ADGRL3: variants seen among roughly 807,000 people sequenced by gnomAD.
The protein encoded by ADGRL3 is adhesion G protein-coupled receptor L3, also known as calcium-independent alpha-latrotoxin receptor 3.
A neutral mutation model predicts 153.5 loss-of-function variants in ADGRL3; 62 were observed. That is an observed-to-expected ratio of 0.40 (90% CI 0.33 to 0.50). The LOEUF is 0.50. Among genes scored for constraint, ADGRL3 ranks in the 20% least tolerant of loss-of-function variants. The pLI is 0.47. For missense variants in ADGRL3, 1,641 were observed against 1,859.4 expected, an observed-to-expected ratio of 0.88 and a Z score of 2.16; for synonymous variants, 710 against 672.5, an observed-to-expected ratio of 1.06 and a Z score of -0.86.
At chr4:61,558,506 T>A (rs1423864911) in intron 4 of ADGRL3, among the ~76,000 whole-genome samples, 2 of 151,930 alleles carry the variant, frequency 1.3e-5, no homozygotes, top group Admixed American at 6.6e-5. Flanking sequence ...CTTTCTCTTT[T>A]TAGAGATCGC....
At chr4:61,464,800 A>G (rs948905461) in intron 2 of ADGRL3, among the ~76,000 whole-genome samples, 1 of 152,214 alleles carries the variant, frequency 6.6e-6, no homozygotes, top group Non-Finnish European at 1.5e-5. Context: ...AAAATTAGTT[A>G]AGGATGAAGC....
At chr4:61,984,926 A>T (rs2150894374) in intron 19 of ADGRL3, among the ~76,000 whole-genome samples, 1 of 152,338 alleles carries the variant, frequency 6.6e-6, no homozygotes, top group Admixed American at 6.5e-5. Flanking sequence ...ATCATGAAGC[A>T]AAATTTTAAA....
At chr4:61,385,195 G>A (rs1442961917) in intron 2 of ADGRL3, among the ~76,000 whole-genome samples, 5 of 152,114 alleles carry the variant, frequency 3.3e-5, no homozygotes, top group South Asian at 4.1e-4. Flanking sequence ...TTATTTAGCC[G>A]TAATGCTTTC....
At chr4:61,844,439 C>T (rs1176489315) in intron 9 of ADGRL3, among the ~76,000 whole-genome samples, 5 of 144,290 alleles carry the variant, frequency 3.5e-5, no homozygotes, top group African/African-American at 7.8e-5. Flanking sequence ...CCCAGCTACT[C>T]GGGAGGCTGA....
rs768596800 is a variant in ADGRL3, at chr4:61,583,658, T to C, written c.260-3569T>C. ...TTCTGACATCTTTATCAGAGATGTT[T>C]AATTAGTTCATGTCCCTTCAGTCAG... On this transcript the variant is annotated intron_variant, in intron 4 of 26. Transcript: ENST00000683033. The C allele has an allele frequency of 1.9e-5, 10 of 518,216 alleles. No homozygotes were observed. In the Admixed American group the frequency reaches 1.9e-4, roughly 10 times the overall value. The allele number at this position is 518,216 out of a possible 1,614,324, so 32.1% of individuals were successfully genotyped here. A position where few individuals can be genotyped will look rare whatever the true frequency, so the allele number is the denominator to read the frequency against.
chr4:61,324,813 T>A (rs1340356327), intron 1 of ADGRL3, among the ~76,000 whole-genome samples: 1 of 152,244 alleles, frequency 6.6e-6, no homozygotes, highest in Non-Finnish European at 1.5e-5. Context: ...GTCTTGGCTC[T>A]TACTATTCCT....
At chr4:62,017,693 C>T (rs2099218997) in intron 21 of ADGRL3, among the ~76,000 whole-genome samples, 1 of 151,992 alleles carries the variant, frequency 6.6e-6, no homozygotes, top group Admixed American at 6.6e-5. Flanking sequence ...ATTATAAAAA[C>T]TTTTATGAGT....
intron 17 of ADGRL3, among the ~76,000 whole-genome samples, chr4:61,976,122 G>A (rs75850284): frequency 0.013 from 1,942 of 152,180 alleles, 52 homozygotes; most frequent in African/African-American, 0.044. Flanking sequence ...GTGCTAGGAT[G>A]TAATATTAAT....
intron 9 of ADGRL3, among the ~76,000 whole-genome samples, chr4:61,819,243 TA>T (rs2097723256): frequency 6.6e-6 from 1 of 152,168 alleles, no homozygotes; most frequent in African/African-American, 2.4e-5. Flanking sequence ...TATGGGTTTT[TA>T]TTTGAATGTA....
chr4:61,325,431 A>G (rs1453087099), intron 1 of ADGRL3, among the ~76,000 whole-genome samples: 1 of 152,244 alleles, frequency 6.6e-6, no homozygotes, highest in Non-Finnish European at 1.5e-5. Context: ...ATGCTCATAT[A>G]TTAATGCAGT....
In ADGRL3 at chr4:61,301,568, A is replaced by G. The variant is rs543659895; in HGVS notation, c.-239-81556A>G. ...TAAACCTTTCAGGCAGAATGTGAGC[A>G]GCTGCCAATCTTGTGTCAATATTTT... On this transcript the variant is annotated intron_variant, in intron 1 of 26. Transcript: ENST00000683033. 2.6e-5 allele frequency among the ~76,000 whole-genome samples: 4 copies of G among 152,342 alleles called. No homozygotes were observed. In the East Asian group the frequency reaches 7.7e-4, roughly 29 times the overall value.
chr4:61,507,430 A>C (rs1258262429), intron 3 of ADGRL3, among the ~76,000 whole-genome samples: 1 of 152,194 alleles, frequency 6.6e-6, no homozygotes, highest in Non-Finnish European at 1.5e-5. Context: ...TTTTAAAAGT[A>C]GGTGTCCAAT....
Position 61,654,846 on chromosome 4 carries a change from G to A in ADGRL3, c.474-21980G>A, listed in dbSNP as rs557635165. Among the ~76,000 whole-genome samples the A allele has an allele frequency of 6.0e-5, 9 of 150,758 alleles. No homozygotes were observed. The South Asian group carries it at 1.7e-3, about 28-fold the overall frequency. On this transcript the variant is annotated intron_variant, in intron 5 of 26. Coordinates refer to ENST00000683033, the MANE Select transcript of ADGRL3 (RefSeq NM_001387552.1). Reference sequence around the variant, plus strand: ...CATGCGGCAGAGGTTGCAGTGAGCCGAGATCTCACTACTGCACTCCAGCTT... The same window carrying A: ...CATGCGGCAGAGGTTGCAGTGAGCCAAGATCTCACTACTGCACTCCAGCTT...
At chr4:61,813,367 C>G (rs1351849772) in intron 8 of ADGRL3, among the ~76,000 whole-genome samples, 2 of 151,984 alleles carry the variant, frequency 1.3e-5, no homozygotes, top group Non-Finnish European at 2.9e-5. Context: ...GCACTGCAGC[C>G]TGGGCAATGA....
intron 5 of ADGRL3, among the ~76,000 whole-genome samples, chr4:61,634,032 A>G (rs554510914): frequency 1.6e-4 from 24 of 152,284 alleles, no homozygotes; most frequent in Admixed American, 1.6e-3. Context: ...TTGGAGATGT[A>G]ACTTGATAAC....
chr4:61,299,138 A>G lies in ADGRL3; in HGVS notation c.-239-83986A>G, dbSNP rs372176106. Among the ~76,000 whole-genome samples, 99 of 152,106 alleles carry G rather than the reference A, an allele frequency of 6.5e-4. 1 individual carries two copies. The highest frequency in any genetic ancestry group is 9.9e-4 in the Non-Finnish European group (67 of 67,994). On this transcript the variant is annotated intron_variant, in intron 1 of 26. Transcript: ENST00000683033. ...TTTTCCCCTCCATCTTTCTCTCTAC[A>G]TGCCCGCCGTCCCCATCTTCCCCCC...
chr4:61,722,431 G>T (rs544912397), intron 6 of ADGRL3, among the ~76,000 whole-genome samples: 22 of 152,224 alleles, frequency 1.4e-4, no homozygotes, highest in African/African-American at 5.1e-4. Context: ...ACATCTTGAG[G>T]AATAGCCTAG....
intron 1 of ADGRL3, among the ~76,000 whole-genome samples, chr4:61,265,474 G>A (rs1228356932): frequency 6.6e-6 from 1 of 151,886 alleles, no homozygotes; most frequent in Admixed American, 6.6e-5. Flanking sequence ...GCGGAGGACA[G>A]TAGTTAACTA....
At chr4:62,002,906 G>A (rs1399859341) in intron 21 of ADGRL3, among the ~76,000 whole-genome samples, 3 of 152,096 alleles carry the variant, frequency 2.0e-5, no homozygotes, top group African/African-American at 7.2e-5. Context: ...TTACAGTATG[G>A]CTGAAGTACT....
Sources: allele counts gnomAD v4.1 joint callset (sites outside exome capture counted in the v4.1 genomes callset), GRCh38; gene constraint gnomAD v4.1.1; transcripts MANE v1.5; gene names NCBI Gene and HGNC (gene_info 2026-07-23, HGNC 2026-07-21).